Variants in CARMIL1 observed in about 807,000 individuals in gnomAD.
The protein encoded by CARMIL1 is capping protein regulator and myosin 1 linker 1.
CARMIL1 carries 90 observed loss-of-function variants against 177.1 expected under a neutral mutation model. The observed-to-expected ratio is 0.51, with a 90% CI of 0.43 to 0.61. The LOEUF (loss-of-function observed/expected upper bound fraction) is 0.61, where lower values mean the gene tolerates loss of function less well. CARMIL1 is among the 20% of genes least tolerant of loss of function. The pLI, the probability that CARMIL1 is intolerant of heterozygous loss-of-function variation, is 0.00. For missense variants in CARMIL1, 1,380 were observed against 1,667.0 expected, an observed-to-expected ratio of 0.83 and a Z score of 3.00; for synonymous variants, 577 against 606.2, an observed-to-expected ratio of 0.95 and a Z score of 0.71.
chr6:25,367,645 T>C (rs151208836), intron 2 of CARMIL1, among the ~76,000 whole-genome samples: 332 of 152,272 alleles, frequency 2.2e-3, no homozygotes, highest in African/African-American at 6.3e-3. Flanking sequence ...AGAATATTAA[T>C]GCAGTAAGGA....
chr6:25,349,205 G>A (rs1456820340), intron 2 of CARMIL1, among the ~76,000 whole-genome samples: 2 of 152,270 alleles, frequency 1.3e-5, no homozygotes, highest in African/African-American at 2.4e-5. Context: ...ATGCACACAC[G>A]CATTCTCTCA....
At chr6:25,280,849 A>C in intron 1 of CARMIL1, among the ~76,000 whole-genome samples, 1 of 152,100 alleles carries the variant, frequency 6.6e-6, no homozygotes, top group Non-Finnish European at 1.5e-5. Flanking sequence ...GCTCACAAAG[A>C]TGATGTTTAA....
At chr6:25,283,148 A>G (rs1461755872) in intron 1 of CARMIL1, among the ~76,000 whole-genome samples, 1 of 152,206 alleles carries the variant, frequency 6.6e-6, no homozygotes, top group Admixed American at 6.5e-5. Context: ...GATATTAGGA[A>G]TAATTGGATG....
At chr6:25,604,679 T>C (rs544006607) in intron 33 of CARMIL1, 133 bp from the exon 34 acceptor site, 1 of 683,534 alleles carries the variant, frequency 1.5e-6, no homozygotes, top group Non-Finnish European at 2.6e-6. Context: ...TGGAGACAGG[T>C]CAGGCACAGT....
intron 8 of CARMIL1, among the ~76,000 whole-genome samples, chr6:25,460,711 A>G (rs954369363): frequency 3.9e-5 from 6 of 152,232 alleles, no homozygotes; most frequent in Non-Finnish European, 7.3e-5. Context: ...TCTATTTCAT[A>G]TTCTAATGTA....
intron 33 of CARMIL1, among the ~76,000 whole-genome samples, chr6:25,602,714 C>T (rs372626034): frequency 1.3e-4 from 20 of 152,206 alleles, no homozygotes; most frequent in East Asian, 9.7e-4. Flanking sequence ...TCTAAAGTAC[C>T]ATGACTGTAT....
chr6:25,317,366 A>C (rs1329889761), intron 2 of CARMIL1, among the ~76,000 whole-genome samples: 1 of 152,066 alleles, frequency 6.6e-6, no homozygotes, highest in Non-Finnish European at 1.5e-5. Context: ...TCCTGGGCTC[A>C]AGCAATCCTT....
intron 2 of CARMIL1, among the ~76,000 whole-genome samples, chr6:25,323,669 T>C (rs1365854318): frequency 6.6e-6 from 1 of 152,202 alleles, no homozygotes; most frequent in Non-Finnish European, 1.5e-5. Flanking sequence ...CATAGATGTA[T>C]GGTTTCTATG....
At chr6:25,444,037 A>T (rs1797995387) in intron 5 of CARMIL1, among the ~76,000 whole-genome samples, 1 of 152,154 alleles carries the variant, frequency 6.6e-6, no homozygotes, top group South Asian at 2.1e-4. Flanking sequence ...TCCCGACCTC[A>T]GGTGATCCGC....
At chr6:25,442,896 G>A (rs1263304459) in intron 5 of CARMIL1, among the ~76,000 whole-genome samples, 1 of 152,098 alleles carries the variant, frequency 6.6e-6, no homozygotes, top group East Asian at 1.9e-4. Flanking sequence ...TGTTTTTCGA[G>A]TAAAACTGAG....
At chr6:25,466,350 G>A (rs542984778) in intron 9 of CARMIL1, among the ~76,000 whole-genome samples, 3 of 152,304 alleles carry the variant, frequency 2.0e-5, no homozygotes, top group Admixed American at 2.0e-4. Context: ...AACAGGTAGA[G>A]TTCCCCTGGT....
At chr6:25,389,468 A>G (rs780096282) in intron 2 of CARMIL1, among the ~76,000 whole-genome samples, 1 of 152,194 alleles carries the variant, frequency 6.6e-6, no homozygotes, top group African/African-American at 2.4e-5. Flanking sequence ...GGCATGTGGC[A>G]TAGTCAAATT....
At chr6:25,618,762 T>C (rs1288638436) in intron 36 of CARMIL1, among the ~76,000 whole-genome samples, 2 of 152,242 alleles carry the variant, frequency 1.3e-5, no homozygotes, top group Non-Finnish European at 2.9e-5. Flanking sequence ...TATTTATGTG[T>C]AATCAGAGCA....
intron 2 of CARMIL1, among the ~76,000 whole-genome samples, chr6:25,291,228 A>G (rs568777497): frequency 4.8e-4 from 73 of 152,318 alleles, no homozygotes; most frequent in African/African-American, 1.6e-3. Context: ...CGAAAGGCAT[A>G]GGGGTATTAT....
At chr6:25,493,943 C>T (rs1417001456) in intron 15 of CARMIL1, among the ~76,000 whole-genome samples, 3 of 151,950 alleles carry the variant, frequency 2.0e-5, no homozygotes, top group Admixed American at 1.3e-4. Flanking sequence ...TCTCTTTCCT[C>T]TTAGTTTTAT....
intron 16 of CARMIL1, 59 bp from the exon 17 acceptor site, chr6:25,500,107 T>G: frequency 6.7e-7 from 1 of 1,489,502 alleles, no homozygotes; most frequent in Non-Finnish European, 9.4e-7. Context: ...TGTGCTTGCA[T>G]TTTTTCTTTT....
intron 16 of CARMIL1, among the ~76,000 whole-genome samples, chr6:25,496,007 T>C (rs1003985890): frequency 1.3e-5 from 2 of 152,214 alleles, no homozygotes; most frequent in Non-Finnish European, 2.9e-5. Flanking sequence ...CAGCATTTAA[T>C]TTTTCCCTTG....
chr6:25,384,177 A>T (rs879812681), intron 2 of CARMIL1, among the ~76,000 whole-genome samples: 4 of 152,202 alleles, frequency 2.6e-5, no homozygotes, highest in Non-Finnish European at 5.9e-5. Context: ...TTTGTTTTCA[A>T]GAAAGAAAGC....
chr6:25,460,386 A>AT (rs933066253), intron 8 of CARMIL1, among the ~76,000 whole-genome samples: 2 of 152,034 alleles, frequency 1.3e-5, no homozygotes, highest in African/African-American at 2.4e-5. Context: ...TGGTTCCATA[A>AT]TTTTTTTATT....
Sources: allele counts gnomAD v4.1 joint callset (sites outside exome capture counted in the v4.1 genomes callset), GRCh38; gene constraint gnomAD v4.1.1; transcripts MANE v1.5; gene names NCBI Gene and HGNC (gene_info 2026-07-23, HGNC 2026-07-21).